Variants in PCDHGA10 observed in about 807,000 individuals in gnomAD.
The protein encoded by PCDHGA10 is protocadherin gamma-A10.
In PCDHGA10, 42 loss-of-function variants were observed where a neutral mutation model predicts 59.5. The observed-to-expected ratio is 0.71, with a 90% CI of 0.55 to 0.91. The LOEUF (loss-of-function observed/expected upper bound fraction) is 0.91. Among genes scored for constraint, PCDHGA10 ranks in the 40% least tolerant of loss-of-function variants. PCDHGA10 has a pLI of 0.00. For synonymous variants in PCDHGA10, 511 were observed against 517.2 expected (o/e 0.99, Z 0.16); for missense variants, 1,111 against 1,198.2 (o/e 0.93, Z 1.07).
Position 141,413,343 on chromosome 5 carries a change from G to A in PCDHGA10, c.168G>A (p.Leu56=). 7.4e-6 allele frequency: 12 copies of A among 1,613,994 alleles called. No homozygotes were observed. Among genetic ancestry groups the A allele is most frequent in the Non-Finnish European group, 1.0e-5 (12 of 1,179,908 alleles). ...TCGTGGGCAACATCTCCAAGGACTT[G>A]GGTCTGGCGCCCCGGGAGCTGGCGG... is the stretch of plus-strand genomic sequence containing the variant. ...GSFVGNISKD[L]GLAPRELAER... Residue 56 remains leucine, a synonymous_variant, in exon 1 of 4, where the codon TTG becomes TTA. Transcript: ENST00000398610.
intron 1 of PCDHGA10, among the ~76,000 whole-genome samples, chr5:141,492,670 C>T (rs567661944): frequency 6.6e-6 from 1 of 152,344 alleles, no homozygotes; most frequent in South Asian, 2.1e-4. Context: ...CCCGGGACTC[C>T]GTCTCAAGGG....
chr5:141,487,100 C>A lies in PCDHGA10; in HGVS notation c.2437-7707C>A. ...CCCAGCTGACCTCCCACCACAGAAGCTGGTCATTGTGGTAAAGGATAGTGG... is the reference window on the plus strand; with the variant it reads ...CCCAGCTGACCTCCCACCACAGAAGATGGTCATTGTGGTAAAGGATAGTGG... On this transcript the variant is annotated intron_variant, in intron 1 of 3. Coordinates refer to ENST00000398610, the MANE Select transcript of PCDHGA10 (RefSeq NM_018913.3). This position sits in a 1 kb window ranked among gnomAD's most constrained non-coding sequence, Gnocchi z 5.0. The A allele has an allele frequency of 1.2e-6, 2 of 1,614,076 alleles. No homozygotes were observed. The highest frequency in any genetic ancestry group is 1.7e-6 in the Non-Finnish European group (2 of 1,179,960).
chr5:141,450,842 T>TTTTTA, intron 1 of PCDHGA10, among the ~76,000 whole-genome samples: 1 of 148,196 alleles, frequency 6.7e-6, no homozygotes, highest in African/African-American at 2.5e-5. Context: ...TTTTTTTTTT[T>TTTTTA]GAGATGGGGT....
At chr5:141,441,638 G>A (rs1456506194) in intron 1 of PCDHGA10, 2 of 226,008 alleles carry the variant, frequency 8.8e-6, no homozygotes, top group Non-Finnish European at 1.8e-5. Flanking sequence ...AGCCACAGGC[G>A]CTGTGATTCT....
chr5:141,420,256 T>C (rs377440259), intron 1 of PCDHGA10: 2 of 1,569,010 alleles, frequency 1.3e-6, no homozygotes, highest in Non-Finnish European at 1.7e-6. Flanking sequence ...TTGAAGCAGA[T>C]AAGAAGATTC....
Position 141,431,877 on chromosome 5 carries a change from AC to A in PCDHGA10, c.2436+16268del. 1 of 1,614,230 alleles carries A rather than the reference AC, an allele frequency of 6.2e-7. No individual in the cohort carries two copies. The highest frequency in any genetic ancestry group is 1.3e-5 in the African/African-American group (1 of 75,070). ...TTAATTGCCCTTTTAAATGTAAATGACCAAGATTCTGAGGAAAACGGACAGG... is the reference window on the plus strand; with the variant it reads ...TTAATTGCCCTTTTAAATGTAAATGACAAGATTCTGAGGAAAACGGACAGG... On this transcript the variant is annotated intron_variant, in intron 1 of 3. Coordinates refer to ENST00000398610, the MANE Select transcript of PCDHGA10 (RefSeq NM_018913.3). The surrounding 1 kb of genome is among the most constrained non-coding windows in gnomAD (Gnocchi z 4.8).
At chr5:141,428,186 CCGCTCTCTGCGCCGCTA>C (rs1167279209) in intron 1 of PCDHGA10, 1 of 1,460,956 alleles carries the variant, frequency 6.8e-7, no homozygotes, top group Admixed American at 1.8e-5. Context: ...AGGACAGCCG[CCGCTCTCTGCGCCGCTA>C]CGCTTCACCT....
intron 1 of PCDHGA10, chr5:141,433,252 G>T (rs1398141147): frequency 1.4e-6 from 2 of 1,425,340 alleles, no homozygotes; most frequent in Non-Finnish European, 1.9e-6. Flanking sequence ...GGAATGCAGC[G>T]GTACGATCAT....
chr5:141,476,267 G>T lies in PCDHGA10; in HGVS notation c.2437-18540G>T, dbSNP rs373758158. 15 of 1,614,056 alleles carry T rather than the reference G, an allele frequency of 9.3e-6. No homozygotes were observed. In the South Asian group the frequency reaches 1.6e-4, roughly 18 times the overall value. On this transcript the variant is annotated intron_variant, in intron 1 of 3. Transcript: ENST00000398610. This position sits in a 1 kb window ranked among gnomAD's most constrained non-coding sequence, Gnocchi z 7.6. ...GAAGGGTTTCGCTGTGGGCAACGTGGTCGCGAACCTTGGTTTGGATCTCGG... is the reference window on the plus strand; with the variant it reads ...GAAGGGTTTCGCTGTGGGCAACGTGTTCGCGAACCTTGGTTTGGATCTCGG...
chr5:141,413,870 T>A lies in PCDHGA10; in HGVS notation c.695T>A (p.Val232Asp), dbSNP rs2095687151. The A allele has an allele frequency of 6.2e-7, 1 of 1,613,268 alleles. No individual in the cohort carries two copies. Among genetic ancestry groups the A allele is most frequent in the Admixed American group, 1.7e-5 (1 of 59,984 alleles). ...GDPLRSGTVLVSVTVFDANDN... is the reference protein window; with the variant it reads ...GDPLRSGTVLDSVTVFDANDN... ...CCTCTCCGATCTGGCACTGTCCTTG[T>A]CAGTGTGACTGTCTTCGATGCAAAT... The change falls in exon 1 of 4, where the codon GTC (valine) becomes GAC (aspartate). Residue 232 changes from valine (V) to aspartate (D), a missense_variant. Coordinates refer to ENST00000398610, the MANE Select transcript of PCDHGA10 (RefSeq NM_018913.3).
chr5:141,421,389 G>T (rs200646513), intron 1 of PCDHGA10: 1 of 1,613,934 alleles, frequency 6.2e-7, no homozygotes, highest in African/African-American at 1.3e-5. Context: ...AGGACCTGGG[G>T]CTGGAGCCCC....
At chr5:141,420,474 C>T in intron 1 of PCDHGA10, 1 of 677,328 alleles carries the variant, frequency 1.5e-6, no homozygotes, top group Non-Finnish European at 2.1e-6. Context: ...CATTTTAAAG[C>T]AAACTACATG....
chr5:141,425,394 G>C (rs186813737), intron 1 of PCDHGA10, among the ~76,000 whole-genome samples: 2 of 152,184 alleles, frequency 1.3e-5, no homozygotes, highest in Non-Finnish European at 2.9e-5. Context: ...TAGTGATAAA[G>C]TTCTGTTAAG....
At chr5:141,440,983 G>A (rs2154559140) in intron 1 of PCDHGA10, 1 of 152,314 alleles carries the variant, frequency 6.6e-6, no homozygotes, top group South Asian at 2.1e-4. Flanking sequence ...TCACAACCCA[G>A]AGTACCCATA....
chr5:141,421,383 C>A lies in PCDHGA10; in HGVS notation c.2436+5772C>A, dbSNP rs754951142. The A allele has an allele frequency of 2.5e-6, 4 of 1,614,034 alleles. 1 individual carries two copies. The highest frequency in any genetic ancestry group is 8.5e-7 in the Non-Finnish European group (1 of 1,179,910). On this transcript the variant is annotated intron_variant, in intron 1 of 3. Transcript: ENST00000398610. ...CCTTCGTGGGCAATATCTCCAAGGA[C>A]CTGGGGCTGGAGCCCCGGGAGCTGG...
In PCDHGA10 at chr5:141,492,000, A is replaced by G; in HGVS notation, c.2437-2807A>G. On this transcript the variant is annotated intron_variant, in intron 1 of 3. Transcript: ENST00000398610. The surrounding 1 kb of genome is among the most constrained non-coding windows in gnomAD (Gnocchi z 6.9). Reference sequence around the variant, plus strand: ...TCGAGCTTCCGGTGAATTTCGGGCGATTTCCGCGGGTGTCGGGGGTCCCGG... The same window carrying G: ...TCGAGCTTCCGGTGAATTTCGGGCGGTTTCCGCGGGTGTCGGGGGTCCCGG... 1 of 659,856 alleles carries G rather than the reference A, an allele frequency of 1.5e-6. No homozygotes were observed. The highest frequency in any genetic ancestry group is 3.1e-5 in the South Asian group (1 of 32,438). 40.9% of individuals were successfully genotyped at this position (659,856 alleles called of 1,614,324 possible).
chr5:141,422,360 G>C (rs766368774), intron 1 of PCDHGA10: 1 of 1,559,254 alleles, frequency 6.4e-7, no homozygotes, highest in African/African-American at 1.4e-5. Context: ...CAAGATTCTG[G>C]AGAAAATGGT....
chr5:141,479,050 C>G (rs1484021560), intron 1 of PCDHGA10, among the ~76,000 whole-genome samples: 1 of 152,164 alleles, frequency 6.6e-6, no homozygotes, highest in South Asian at 2.1e-4. Context: ...ACCTCATTCT[C>G]AGATAATTTT....
Position 141,420,255 on chromosome 5 carries a change from A to T in PCDHGA10, c.2436+4644A>T, listed in dbSNP as rs917458059. The T allele has an allele frequency of 2.5e-6, 4 of 1,569,630 alleles. No homozygotes were observed. The highest frequency in any genetic ancestry group is 1.4e-5 in the African/African-American group (1 of 73,152). On this transcript the variant is annotated intron_variant, in intron 1 of 3. Coordinates refer to ENST00000398610, the MANE Select transcript of PCDHGA10 (RefSeq NM_018913.3). ...ATTTTAACTCCCAGCGTTGAAGCAG[A>T]TAAGAAGATTCTTAAACAGGTAAGT...
Sources: gnomAD v4.1 joint callset for allele counts (sites outside exome capture counted in the v4.1 genomes callset) on GRCh38, gnomAD v4.1.1 for gene constraint, Gnocchi (gnomAD v3.1) non-coding constraint, MANE v1.5 for transcripts, NCBI Gene and HGNC (gene_info 2026-07-23, HGNC 2026-07-21) for gene names.